TAFA5: variants seen among roughly 807,000 people sequenced by gnomAD.
TAFA5 encodes the protein TAFA chemokine like family member 5.
Under a neutral mutation model 15.3 loss-of-function variants are expected in TAFA5, and 6 were observed. That is an observed-to-expected ratio of 0.39 (90% CI 0.21 to 0.77). The LOEUF is 0.77. Among genes scored for constraint, TAFA5 ranks in the 30% least tolerant of loss-of-function variants. The probability of loss-of-function intolerance (pLI) is 0.41; values close to 1 mark genes in which losing one functional copy is unlikely to be tolerated. For synonymous variants in TAFA5, 103 were observed against 80.7 expected, an observed-to-expected ratio of 1.28 and a Z score of -1.48; for missense variants, 161 against 193.1, an observed-to-expected ratio of 0.83 and a Z score of 0.98.
intron 1 of TAFA5, among the ~76,000 whole-genome samples, chr22:48,575,369 C>G (rs1476887765): frequency 6.7e-6 from 1 of 149,624 alleles, no homozygotes; most frequent in African/African-American, 2.4e-5. Context: ...ATCCGCGGCT[C>G]CGCGGCCGGG....
rs144122963 is a variant in TAFA5 at position 48,538,021 on chromosome 22, C to T, written c.112+48317C>T. On this transcript the variant is annotated intron_variant, in intron 1 of 3. Transcript: ENST00000402357. ...TGTCACCAGCGCACGGTCAGCTCCA[C>T]GCCCCTTCCTGAAGGCAGATTCAGG... Among the ~76,000 whole-genome samples the T allele has an allele frequency of 5.8e-3, 890 of 152,358 alleles. 6 individuals are homozygous for T. Among genetic ancestry groups the T allele is most frequent in the African/African-American group, 0.02 (848 of 41,602 alleles).
intron 1 of TAFA5, among the ~76,000 whole-genome samples, chr22:48,618,336 G>A (rs138859790): frequency 1.3e-5 from 2 of 152,192 alleles, no homozygotes; most frequent in Non-Finnish European, 2.9e-5. Context: ...ACTGACGCTC[G>A]CCTCTGCCAA....
At chr22:48,725,724 G>GA (rs11379698) in intron 3 of TAFA5, among the ~76,000 whole-genome samples, 40,501 of 114,512 alleles carry the variant, frequency 0.35, 6,979 homozygotes, top group Non-Finnish European at 0.45. Context: ...ATAATTCACA[G>GA]AAAAAAAAAA....
chr22:48,602,906 G>C (rs1449476166), intron 1 of TAFA5, among the ~76,000 whole-genome samples: 2 of 152,300 alleles, frequency 1.3e-5, no homozygotes, highest in Middle Eastern at 3.4e-3. Flanking sequence ...AGCCTCTGCC[G>C]ATCTATGAGG....
chr22:48,737,404 T>C (rs932265209), intron 3 of TAFA5, among the ~76,000 whole-genome samples: 1 of 152,146 alleles, frequency 6.6e-6, no homozygotes, highest in African/African-American at 2.4e-5. Flanking sequence ...GGAGCGCCCC[T>C]GAGCCTGCCC....
At chr22:48,534,395 G>A (rs1452617665) in intron 1 of TAFA5, among the ~76,000 whole-genome samples, 1 of 152,106 alleles carries the variant, frequency 6.6e-6, no homozygotes, top group Non-Finnish European at 1.5e-5. Flanking sequence ...TTCCTCCGGG[G>A]GTCTGCAGAG....
intron 1 of TAFA5, among the ~76,000 whole-genome samples, chr22:48,594,396 G>C (rs1212866048): frequency 6.6e-6 from 1 of 152,194 alleles, no homozygotes; most frequent in Non-Finnish European, 1.5e-5. Context: ...CACATAGGTT[G>C]ACAAGCTCCG....
chr22:48,632,044 T>C (rs9617429), intron 1 of TAFA5, among the ~76,000 whole-genome samples: 60,751 of 152,150 alleles, frequency 0.4, 12,559 homozygotes, highest in South Asian at 0.53. Flanking sequence ...CTGAGTGTCA[T>C]GTGAAAACCA....
chr22:48,710,738 G>A (rs995754419), intron 3 of TAFA5, among the ~76,000 whole-genome samples: 1 of 152,238 alleles, frequency 6.6e-6, no homozygotes, highest in Non-Finnish European at 1.5e-5. Context: ...AGAGGGGTTC[G>A]AGCCTTCCTG....
At chr22:48,522,638 C>T (rs62223628) in intron 1 of TAFA5, among the ~76,000 whole-genome samples, 12,837 of 152,262 alleles carry the variant, frequency 0.084, 739 homozygotes, top group East Asian at 0.25. Flanking sequence ...CTCTCATCCG[C>T]CCCTGGGAGG....
At chr22:48,593,584 C>T (rs1924653726) in intron 1 of TAFA5, among the ~76,000 whole-genome samples, 1 of 152,112 alleles carries the variant, frequency 6.6e-6, no homozygotes, top group Non-Finnish European at 1.5e-5. Flanking sequence ...TCCCCTTGGC[C>T]CAGCACCCCA....
intron 3 of TAFA5, among the ~76,000 whole-genome samples, chr22:48,728,616 C>A (rs952355318): frequency 6.6e-6 from 1 of 152,176 alleles, no homozygotes; most frequent in Admixed American, 6.5e-5. Context: ...ATAGAAATAA[C>A]ACACGGTATT....
chr22:48,588,325 A>T (rs1924434796), intron 1 of TAFA5, among the ~76,000 whole-genome samples: 1 of 152,132 alleles, frequency 6.6e-6, no homozygotes, highest in Non-Finnish European at 1.5e-5. Context: ...CATTGAGGAA[A>T]TGCAAGGGCA....
At chr22:48,584,433 T>C (rs1451701952) in intron 1 of TAFA5, among the ~76,000 whole-genome samples, 1 of 141,970 alleles carries the variant, frequency 7.0e-6, no homozygotes, top group Non-Finnish European at 1.5e-5. Context: ...AAATATACTA[T>C]GTAAATACAC....
At chr22:48,691,216 G>A (rs2147238153) in intron 2 of TAFA5, among the ~76,000 whole-genome samples, 1 of 152,330 alleles carries the variant, frequency 6.6e-6, no homozygotes, top group Middle Eastern at 3.4e-3. Context: ...GCGAGGTGCA[G>A]GGGCCACTTC....
rs528719191 is a variant in TAFA5, at chr22:48,610,290, G to A, written c.113-36307G>A. The stretch of plus-strand genomic sequence containing the variant: ...AGCGTTTGGCACAGTAATGGGTTCA[G>A]TCTTGCCCGTTGCTCGTGATTCTTT... On this transcript the variant is annotated intron_variant, in intron 1 of 3. Coordinates refer to ENST00000402357, the MANE Select transcript of TAFA5 (RefSeq NM_001082967.3). Among the ~76,000 whole-genome samples the A allele has an allele frequency of 9.0e-4, 137 of 152,346 alleles. 1 individual carries two copies. The highest frequency in any genetic ancestry group is 3.1e-3 in the African/African-American group (128 of 41,582).
intron 1 of TAFA5, among the ~76,000 whole-genome samples, chr22:48,553,453 C>G (rs1922925505): frequency 6.6e-6 from 1 of 152,212 alleles, no homozygotes; most frequent in Non-Finnish European, 1.5e-5. Context: ...GCAGGCTTCC[C>G]TGGCCGCATG....
At chr22:48,622,307 G>C (rs1037509213) in intron 1 of TAFA5, among the ~76,000 whole-genome samples, 1 of 152,170 alleles carries the variant, frequency 6.6e-6, no homozygotes, top group African/African-American at 2.4e-5. Context: ...TGTTTCACAT[G>C]GGGGGCAGGC....
Position 48,743,433 on chromosome 22 carries a change from T to C in TAFA5, c.391-6406T>C, listed in dbSNP as rs184818811. Among the ~76,000 whole-genome samples, 590 of 152,328 alleles carry C rather than the reference T, an allele frequency of 3.9e-3. 9 individuals are homozygous for C. The highest frequency in any genetic ancestry group is 2.2e-3 in the Non-Finnish European group (147 of 68,026). ...GGGAGTGGTATCCACCCTAATCTGA[T>C]ACGACCCCATTCTAACTCGATCACA... On this transcript the variant is annotated intron_variant, in intron 3 of 3. Coordinates refer to ENST00000402357, the MANE Select transcript of TAFA5 (RefSeq NM_001082967.3).
Sources: gnomAD v4.1 joint callset for allele counts (sites outside exome capture counted in the v4.1 genomes callset) on GRCh38, gnomAD v4.1.1 for gene constraint, MANE v1.5 for transcripts, NCBI Gene and HGNC (gene_info 2026-07-23, HGNC 2026-07-21) for gene names.